MELK: variants seen among roughly 807,000 people sequenced by gnomAD.
MELK encodes pEg3 kinase.
In MELK, 81 loss-of-function variants were observed where a neutral mutation model predicts 85.0. The ratio of observed to expected loss-of-function variants is 0.95; its 90% CI spans 0.80 to 1.15. The LOEUF is 1.15. Ranked by LOEUF, MELK falls within the 50% of genes most tolerant of loss-of-function variation. The pLI is 0.00. For missense variants in MELK, 754 were observed against 777.5 expected (o/e 0.97, Z 0.36); for synonymous variants, 252 against 265.0 (o/e 0.95, Z 0.48).
At chr9:36,664,308 G>A (rs950948768) in intron 13 of MELK, among the ~76,000 whole-genome samples, 1 of 152,094 alleles carries the variant, frequency 6.6e-6, no homozygotes, top group Non-Finnish European at 1.5e-5. Flanking sequence ...TGCTCATAGT[G>A]CTTGTGTCTT....
chr9:36,601,507 A>G (rs748903164), intron 7 of MELK, among the ~76,000 whole-genome samples: 34 of 152,324 alleles, frequency 2.2e-4, no homozygotes, highest in Middle Eastern at 3.4e-3. Context: ...AAAGGGACCA[A>G]ATGTTTTCTG....
chr9:36,589,365 G>C (rs111718909), intron 3 of MELK, among the ~76,000 whole-genome samples, 171 bp from the exon 4 acceptor site: 2,202 of 152,156 alleles, frequency 0.014, 50 homozygotes, highest in African/African-American at 0.049. Context: ...AGCCAGGATG[G>C]TCTCGATTTC....
At chr9:36,631,701 A>T (rs1254907766) in intron 9 of MELK, among the ~76,000 whole-genome samples, 1 of 152,072 alleles carries the variant, frequency 6.6e-6, no homozygotes, top group Non-Finnish European at 1.5e-5. Context: ...CAGCCTCCCA[A>T]GTAACTGGGA....
chr9:36,588,722 A>G (rs543285258), intron 3 of MELK, among the ~76,000 whole-genome samples: 2 of 152,182 alleles, frequency 1.3e-5, no homozygotes, highest in East Asian at 1.9e-4. Flanking sequence ...TTACTTGATG[A>G]TATCTCTAGG....
chr9:36,591,197 C>CATTTTAAAACCTCTTTG lies in MELK; in HGVS notation c.261+1563_261+1579dup, dbSNP rs547153156. On this transcript the variant is annotated intron_variant, in intron 4 of 17. Coordinates refer to ENST00000298048, the MANE Select transcript of MELK (RefSeq NM_014791.4). The stretch of plus-strand genomic sequence containing the variant: ...ACTGTAGATCTACCTACATGGTCCA[C>CATTTTAAAACCTCTTTG]ATTTTAAAACCTCTTTGATTTTAAA... Among the ~76,000 whole-genome samples the CATTTTAAAACCTCTTTG allele has an allele frequency of 9.6e-3, 1,457 of 152,250 alleles. 19 individuals are homozygous for CATTTTAAAACCTCTTTG. Among genetic ancestry groups the CATTTTAAAACCTCTTTG allele is most frequent in the African/African-American group, 0.03 (1,231 of 41,514 alleles).
chr9:36,641,596 A>T (rs1829757851), intron 10 of MELK, among the ~76,000 whole-genome samples: 1 of 142,850 alleles, frequency 7.0e-6, no homozygotes, highest in South Asian at 2.3e-4. Context: ...GCTGCCATAA[A>T]GAGAGATTTT....
At chr9:36,617,686 CTT>C (rs1438052257) in intron 8 of MELK, among the ~76,000 whole-genome samples, 4 of 152,000 alleles carry the variant, frequency 2.6e-5, no homozygotes, top group Non-Finnish European at 4.4e-5. Context: ...TCTGTGTTTT[CTT>C]CTAGTGTTTT....
intron 10 of MELK, among the ~76,000 whole-genome samples, chr9:36,639,346 G>C (rs1190426554): frequency 6.6e-6 from 1 of 152,102 alleles, no homozygotes; most frequent in East Asian, 1.9e-4. Flanking sequence ...TTCTCTTTCA[G>C]TGTTGTGTTT....
intron 8 of MELK, among the ~76,000 whole-genome samples, chr9:36,615,096 C>A (rs1216357861): frequency 1.6e-5 from 2 of 122,678 alleles, no homozygotes; most frequent in African/African-American, 3.5e-5. Flanking sequence ...CCCTCCCGGA[C>A]GGGGCGGCTG....
chr9:36,677,472 C>G lies in MELK; in HGVS notation c.*135C>G, dbSNP rs1833447694. The G allele has an allele frequency of 8.6e-6, 6 of 697,794 alleles. No individual in the cohort carries two copies. The East Asian group carries it at 1.5e-4, about 18-fold the overall frequency. The allele number at this position is 697,794 out of a possible 1,614,324, so 43.2% of individuals were successfully genotyped here. A position where few individuals can be genotyped will look rare whatever the true frequency, so the allele number is the denominator to read the frequency against. ...TAAAGAGCTATCTTAAGACCAATAT[C>G]TCTTTGTTTTTAAACAAAAGATATT... On this transcript the variant is annotated 3_prime_UTR_variant, in exon 18 of 18. Coordinates refer to ENST00000298048, the MANE Select transcript of MELK (RefSeq NM_014791.4).
intron 10 of MELK, among the ~76,000 whole-genome samples, chr9:36,640,550 G>A (rs1829663313): frequency 6.6e-6 from 1 of 152,132 alleles, no homozygotes; most frequent in African/African-American, 2.4e-5. Flanking sequence ...GGGCTCAAGT[G>A]ATCCTCCCAC....
At chr9:36,582,616 T>C (rs574283893) in intron 2 of MELK, among the ~76,000 whole-genome samples, 4 of 152,212 alleles carry the variant, frequency 2.6e-5, no homozygotes, top group Non-Finnish European at 5.9e-5. Flanking sequence ...TTTACACATA[T>C]ATATGTATAC....
At chr9:36,593,634 C>T in intron 4 of MELK, among the ~76,000 whole-genome samples, 1 of 152,226 alleles carries the variant, frequency 6.6e-6, no homozygotes, top group East Asian at 1.9e-4. Context: ...TTTACAAACA[C>T]TGCTGCTGCA....
rs1826032577 is a variant in MELK, at chr9:36,611,329, C to T, written c.666+3656C>T. Among the ~76,000 whole-genome samples the T allele has an allele frequency of 4.6e-5, 7 of 152,252 alleles. No individual in the cohort carries two copies. The South Asian group carries it at 1.4e-3, about 32-fold the overall frequency. On this transcript the variant is annotated intron_variant, in intron 8 of 17. Coordinates refer to ENST00000298048, the MANE Select transcript of MELK (RefSeq NM_014791.4). ...GTGGAAACAGATAATGGTAGAATTT[C>T]ACTGTTGGAAAGCACCTGGGAAATC...
chr9:36,585,608 A>G (rs1449866213), intron 3 of MELK, among the ~76,000 whole-genome samples: 1 of 152,064 alleles, frequency 6.6e-6, no homozygotes, highest in Non-Finnish European at 1.5e-5. Flanking sequence ...CTCCCAGCCT[A>G]ACATTTTGTA....
intron 7 of MELK, among the ~76,000 whole-genome samples, chr9:36,602,859 A>G (rs1825079502): frequency 6.6e-6 from 1 of 152,172 alleles, no homozygotes; most frequent in Non-Finnish European, 1.5e-5. Context: ...ACGCCTGGCC[A>G]CAGACATCCT....
At chr9:36,677,069 C>T in intron 17 of MELK, 91 bp from the exon 18 acceptor site, 1 of 1,084,528 alleles carries the variant, frequency 9.2e-7, no homozygotes. Context: ...AATAATGGTT[C>T]ATTTCCTCCA....
chr9:36,612,620 G>A (rs1379992403), intron 8 of MELK, among the ~76,000 whole-genome samples: 1 of 152,212 alleles, frequency 6.6e-6, no homozygotes, highest in African/African-American at 2.4e-5. Context: ...GACCTCAAGT[G>A]ATCCTCCTGC....
At chr9:36,583,493 G>T in intron 2 of MELK, 134 bp from the exon 3 acceptor site, 1 of 432,332 alleles carries the variant, frequency 2.3e-6, no homozygotes, top group Non-Finnish European at 4.0e-6. Flanking sequence ...TGGATAACAA[G>T]CAGCAACAGG....
Sources: gnomAD v4.1 joint callset for allele counts (sites outside exome capture counted in the v4.1 genomes callset) on GRCh38, gnomAD v4.1.1 for gene constraint, MANE v1.5 for transcripts, NCBI Gene and HGNC (gene_info 2026-07-23, HGNC 2026-07-21) for gene names.